Variants in CCSER1 observed in about 807,000 individuals in gnomAD.
The protein encoded by CCSER1 is coiled-coil serine rich protein 1.
A neutral mutation model predicts 82.0 loss-of-function variants in CCSER1; 41 were observed. The observed-to-expected ratio is 0.50, with a 90% CI of 0.39 to 0.65. The LOEUF is 0.65. Ranked by LOEUF, CCSER1 falls within the 30% of genes least tolerant of loss-of-function variation. The pLI is 0.00. For missense variants in CCSER1, 1,119 were observed against 1,064.2 expected (o/e 1.05, Z -0.72); for synonymous variants, 414 against 383.9 (o/e 1.08, Z -0.92).
chr4:91,192,178 C>T (rs536863125), intron 10 of CCSER1, among the ~76,000 whole-genome samples: 1 of 152,204 alleles, frequency 6.6e-6, no homozygotes, highest in Admixed American at 6.6e-5. Context: ...TGACTACTGC[C>T]TTCCAGTTTT....
chr4:91,262,642 C>G (rs867670376), intron 10 of CCSER1, among the ~76,000 whole-genome samples: 8 of 152,022 alleles, frequency 5.3e-5, no homozygotes, highest in Non-Finnish European at 8.8e-5. Context: ...ACCAAAGGAC[C>G]TAAATTCCAA....
intron 5 of CCSER1, among the ~76,000 whole-genome samples, chr4:90,516,896 G>T (rs569348983): frequency 3.3e-5 from 5 of 152,100 alleles, no homozygotes; most frequent in African/African-American, 1.2e-4. Flanking sequence ...TTTGAAAATG[G>T]CACACATTGT....
intron 6 of CCSER1, among the ~76,000 whole-genome samples, chr4:90,650,300 A>C (rs1728502989): frequency 6.6e-6 from 1 of 152,160 alleles, no homozygotes; most frequent in African/African-American, 2.4e-5. Flanking sequence ...TTGAGCAAAA[A>C]GGAAGAAGGT....
In CCSER1 at chr4:90,218,105, A is replaced by G. The variant is rs1466413411; in HGVS notation, c.-41-90139A>G. ...CATGGGTCCCCATACCCATCCCTTA[A>G]TGTCTAGTTTCTTAAGGGTTTTTAT... On this transcript the variant is annotated intron_variant, in intron 1 of 10. Coordinates refer to ENST00000509176, the MANE Select transcript of CCSER1 (RefSeq NM_001145065.2). Among the ~76,000 whole-genome samples the G allele has an allele frequency of 3.3e-5, 5 of 152,228 alleles. No homozygotes were observed. In the East Asian group the frequency reaches 9.7e-4, roughly 29 times the overall value.
At chr4:90,656,882 C>A (rs748384433) in intron 6 of CCSER1, among the ~76,000 whole-genome samples, 5 of 151,942 alleles carry the variant, frequency 3.3e-5, no homozygotes, top group Admixed American at 6.6e-5. Flanking sequence ...TAAATGAACA[C>A]ATGTAATTTT....
At chr4:90,624,483 A>G (rs929567005) in intron 5 of CCSER1, among the ~76,000 whole-genome samples, 1 of 152,186 alleles carries the variant, frequency 6.6e-6, no homozygotes, top group African/African-American at 2.4e-5. Context: ...GTGTCAAGAT[A>G]TATGTTTTCC....
chr4:90,602,502 T>C (rs1402044533), intron 5 of CCSER1, among the ~76,000 whole-genome samples: 1 of 152,186 alleles, frequency 6.6e-6, no homozygotes, highest in Admixed American at 6.5e-5. Context: ...ATTCACCCAA[T>C]ATCCATCTTA....
chr4:90,713,655 G>A (rs1405265851), intron 6 of CCSER1, among the ~76,000 whole-genome samples: 1 of 151,510 alleles, frequency 6.6e-6, no homozygotes, highest in Non-Finnish European at 1.5e-5. Flanking sequence ...ATCTTACTGG[G>A]GTTCTCTGCA....
At chr4:90,597,923 A>T (rs566802270) in intron 5 of CCSER1, among the ~76,000 whole-genome samples, 1 of 152,242 alleles carries the variant, frequency 6.6e-6, no homozygotes, top group Admixed American at 6.6e-5. Flanking sequence ...TATTTCACTT[A>T]ACGTAATGTC....
intron 1 of CCSER1, among the ~76,000 whole-genome samples, chr4:90,169,581 A>G (rs1578300959): frequency 1.3e-5 from 2 of 152,060 alleles, no homozygotes; most frequent in South Asian, 2.1e-4. Flanking sequence ...GAGAAAACCA[A>G]TTTACTCTCA....
intron 8 of CCSER1, chr4:90,838,810 C>G: frequency 2.0e-6 from 3 of 1,519,600 alleles, no homozygotes; most frequent in Non-Finnish European, 2.7e-6. Context: ...GATCCAACCT[C>G]TTTGCATCTT....
chr4:91,500,762 A>AT (rs1257263445), intron 10 of CCSER1, among the ~76,000 whole-genome samples: 2 of 151,944 alleles, frequency 1.3e-5, no homozygotes, highest in Non-Finnish European at 2.9e-5. Flanking sequence ...TCCATCAGTT[A>AT]TTTTTTATTA....
At chr4:91,377,330 C>G (rs960389129) in intron 10 of CCSER1, among the ~76,000 whole-genome samples, 5 of 152,166 alleles carry the variant, frequency 3.3e-5, no homozygotes, top group African/African-American at 1.2e-4. Context: ...GCCACACTGT[C>G]TTCCACAATG....
intron 10 of CCSER1, among the ~76,000 whole-genome samples, chr4:91,163,327 G>T (rs1015468310): frequency 6.6e-6 from 1 of 152,132 alleles, no homozygotes; most frequent in Non-Finnish European, 1.5e-5. Flanking sequence ...CTTTTACATT[G>T]GCTGAGGAGT....
chr4:90,175,995 A>G (rs1243741105), intron 1 of CCSER1, among the ~76,000 whole-genome samples: 1 of 152,022 alleles, frequency 6.6e-6, no homozygotes, highest in Non-Finnish European at 1.5e-5. Flanking sequence ...CAATAGAGTC[A>G]TCAAGGGGAA....
intron 10 of CCSER1, among the ~76,000 whole-genome samples, chr4:91,478,403 A>G (rs887844455): frequency 5.3e-5 from 8 of 151,920 alleles, no homozygotes; most frequent in African/African-American, 1.9e-4. Context: ...TTAGTTAAAT[A>G]TTGTAGAAAA....
rs536495884 is a variant in CCSER1, at chr4:90,985,516, C to A, written c.2172+62069C>A. Among the ~76,000 whole-genome samples the A allele has an allele frequency of 2.8e-4, 42 of 151,902 alleles. 1 individual carries two copies. The South Asian group carries it at 8.3e-3, about 30-fold the overall frequency. On this transcript the variant is annotated intron_variant, in intron 9 of 10. Transcript: ENST00000509176. ...AATTCCAAATTAAGTCTGTCTTCAA[C>A]ACCAATATAATAATGCCTCCCTTAA...
intron 3 of CCSER1, among the ~76,000 whole-genome samples, chr4:90,333,442 A>G (rs1739737027): frequency 2.6e-5 from 4 of 152,240 alleles, no homozygotes. Context: ...AAACAAAAAA[A>G]GAAATAAAAC....
intron 10 of CCSER1, among the ~76,000 whole-genome samples, chr4:91,153,303 G>C (rs3207482): frequency 6.6e-6 from 1 of 151,520 alleles, no homozygotes; most frequent in Admixed American, 6.6e-5. Flanking sequence ...TGATCGAATC[G>C]GCTCTTGAAG....
Sources: gnomAD v4.1 joint callset for allele counts (sites outside exome capture counted in the v4.1 genomes callset) on GRCh38, gnomAD v4.1.1 for gene constraint, MANE v1.5 for transcripts, NCBI Gene and HGNC (gene_info 2026-07-23, HGNC 2026-07-21) for gene names.